Variants in ESRRG observed in about 807,000 individuals in gnomAD.
ESRRG encodes estrogen-related receptor gamma.
In ESRRG, 13 loss-of-function variants were observed where a neutral mutation model predicts 44.0. That is an observed-to-expected ratio of 0.30 (90% confidence interval 0.19 to 0.47). ESRRG has a LOEUF of 0.47. Among genes scored for constraint, ESRRG ranks in the 20% least tolerant of loss-of-function variants. ESRRG has a pLI of 1.00. For synonymous variants in ESRRG, 215 were observed against 214.6 expected, an observed-to-expected ratio of 1.00 and a Z score of -0.02; for missense variants, 395 against 580.6, an observed-to-expected ratio of 0.68 and a Z score of 3.29.
At chr1:216,578,115 C>G (rs187027274) in intron 3 of ESRRG, among the ~76,000 whole-genome samples, 1 of 151,766 alleles carries the variant, frequency 6.6e-6, no homozygotes, top group African/African-American at 2.4e-5. Context: ...TCTAGTATAA[C>G]GAATATGGTA....
In ESRRG at chr1:216,814,834, C is replaced by T. The variant is rs147132027; in HGVS notation, c.-14+124748G>A. ...AATTATTGTCAAAACTTGCCAATTT[C>T]CCCAAGAACGTAAAACTTATATTTT... is the stretch of plus-strand genomic sequence containing the variant. On this transcript the variant is annotated intron_variant, in intron 2 of 7. Coordinates refer to the ESRRG transcript ENST00000359162. Among the ~76,000 whole-genome samples, 3 of 152,278 alleles carry T rather than the reference C, an allele frequency of 2.0e-5. No individual in the cohort carries two copies. The East Asian group carries it at 5.8e-4, about 29-fold the overall frequency.
chr1:216,848,124 G>A (rs11117697), intron 2 of ESRRG, among the ~76,000 whole-genome samples: 36,505 of 151,918 alleles, frequency 0.24, 4,465 homozygotes, highest in Admixed American at 0.3. Flanking sequence ...CAAATGTCCC[G>A]TGGGGTAATG....
chr1:216,844,692 A>G (rs1010103481), intron 2 of ESRRG, among the ~76,000 whole-genome samples: 4 of 151,792 alleles, frequency 2.6e-5, no homozygotes, highest in African/African-American at 9.7e-5. Context: ...AATAATACTG[A>G]TGCGCCCCCA....
chr1:216,712,910 C>T (rs2083930841), intron 1 of ESRRG, among the ~76,000 whole-genome samples: 1 of 152,122 alleles, frequency 6.6e-6, no homozygotes, highest in African/African-American at 2.4e-5. Flanking sequence ...CAAAAACGAA[C>T]TTTCCAATGA....
At chr1:216,947,601 C>A (rs1056823566) in intron 1 of ESRRG, among the ~76,000 whole-genome samples, 3 of 152,156 alleles carry the variant, frequency 2.0e-5, no homozygotes, top group Non-Finnish European at 1.5e-5. Context: ...AACTGGCAAA[C>A]AATACAAATC....
In ESRRG at chr1:216,510,954, T is replaced by A. The variant is rs1274304659; in HGVS notation, c.1133-3771A>T. Among the ~76,000 whole-genome samples, 3 of 152,300 alleles carry A rather than the reference T, an allele frequency of 2.0e-5. No individual in the cohort carries two copies. In the East Asian group the frequency reaches 5.8e-4, roughly 29 times the overall value. ...ATACCTAAGTCCTGCTTGGGAACTT[T>A]CTTCTGGACTTTTAGACCATTCTTG... On this transcript the variant is annotated intron_variant, in intron 6 of 6. Transcript: ENST00000408911.
intron 3 of ESRRG, among the ~76,000 whole-genome samples, chr1:216,594,967 A>G (rs1304219176): frequency 6.6e-6 from 1 of 152,216 alleles, no homozygotes; most frequent in Non-Finnish European, 1.5e-5. Context: ...TCATATCACA[A>G]GAGGCAACCA....
chr1:217,022,985 A>T (rs1396768471), intron 1 of ESRRG, among the ~76,000 whole-genome samples: 1 of 152,184 alleles, frequency 6.6e-6, no homozygotes, highest in East Asian at 1.9e-4. Flanking sequence ...GTGTGCTGGG[A>T]TGAACACATT....
intron 1 of ESRRG, among the ~76,000 whole-genome samples, chr1:217,064,139 C>CAT (rs890392933): frequency 1.5e-4 from 22 of 151,578 alleles, no homozygotes; most frequent in African/African-American, 5.3e-4. Flanking sequence ...TCACAACATA[C>CAT]ATATATATGT....
At chr1:217,012,757 C>CT (rs546919535) in intron 1 of ESRRG, among the ~76,000 whole-genome samples, 221 of 152,146 alleles carry the variant, frequency 1.5e-3, no homozygotes, top group African/African-American at 4.9e-3. Flanking sequence ...ATCCCTGCTC[C>CT]TTTTTTTTCT....
intron 2 of ESRRG, among the ~76,000 whole-genome samples, chr1:216,855,493 T>A (rs1355289500): frequency 1.3e-5 from 2 of 152,206 alleles, no homozygotes. Context: ...TTAAAAAACC[T>A]GTACAAATTC....
chr1:217,106,904 T>C (rs1259709029), intron 1 of ESRRG, among the ~76,000 whole-genome samples: 1 of 152,196 alleles, frequency 6.6e-6, no homozygotes, highest in East Asian at 1.9e-4. Context: ...AAGCTCTGCG[T>C]GTCCATGATG....
intron 5 of ESRRG, among the ~76,000 whole-genome samples, chr1:216,541,670 A>G (rs1242072723): frequency 6.6e-6 from 1 of 151,696 alleles, no homozygotes. Flanking sequence ...AAGAGAAGCT[A>G]TAATGACCAA....
At chr1:216,561,213 G>C (rs929422058) in intron 5 of ESRRG, among the ~76,000 whole-genome samples, 5 of 151,988 alleles carry the variant, frequency 3.3e-5, no homozygotes, top group Non-Finnish European at 5.9e-5. Context: ...TAAAGAAAGT[G>C]TGCAAAAGTA....
At chr1:216,923,701 G>A (rs980979497) in intron 2 of ESRRG, among the ~76,000 whole-genome samples, 5 of 152,136 alleles carry the variant, frequency 3.3e-5, no homozygotes, top group African/African-American at 4.8e-5. Flanking sequence ...CCATGCATCC[G>A]CTTTCTCCAA....
chr1:217,056,312 T>C (rs747471333), intron 1 of ESRRG, among the ~76,000 whole-genome samples: 1 of 152,176 alleles, frequency 6.6e-6, no homozygotes, highest in South Asian at 2.1e-4. Flanking sequence ...CTCAACCAGA[T>C]ATTATTAATT....
intron 1 of ESRRG, among the ~76,000 whole-genome samples, chr1:217,038,447 C>T (rs1325207439): frequency 2.6e-5 from 4 of 152,214 alleles, no homozygotes; most frequent in Admixed American, 2.6e-4. Context: ...TGTGAAATGA[C>T]AGTGATATGG....
intron 1 of ESRRG, among the ~76,000 whole-genome samples, chr1:217,043,059 G>C (rs2084170571): frequency 6.6e-6 from 1 of 152,002 alleles, no homozygotes; most frequent in African/African-American, 2.4e-5. Flanking sequence ...TTTGCTTCCA[G>C]CTCCAGTGCA....
rs539624955 is a variant in ESRRG at position 216,958,456 on chromosome 1, C to A, written c.-105-18783G>T. On this transcript the variant is annotated intron_variant, in intron 1 of 7. Transcript: ENST00000359162. ...TCAGTGGGTTCGTGTTGATATTGTT[C>A]GTTTTAATTTTGGCCATATTAATGG... Among the ~76,000 whole-genome samples, 3 of 152,098 alleles carry A rather than the reference C, an allele frequency of 2.0e-5. No homozygotes were observed. In the East Asian group the frequency reaches 5.8e-4, roughly 29 times the overall value.
Sources: gnomAD v4.1 joint callset for allele counts (sites outside exome capture counted in the v4.1 genomes callset) on GRCh38, gnomAD v4.1.1 for gene constraint, MANE v1.5 for transcripts, NCBI Gene and HGNC (gene_info 2026-07-23, HGNC 2026-07-21) for gene names.